ASTN1: variants seen among roughly 807,000 people sequenced by gnomAD.
ASTN1 encodes astrotactin-1.
A neutral mutation model predicts 140.7 loss-of-function variants in ASTN1; 41 were observed. The observed-to-expected ratio is 0.29, with a 90% CI of 0.23 to 0.38. The LOEUF is 0.38. ASTN1 is among the 10% of genes least tolerant of loss of function. ASTN1 has a pLI of 1.00. For missense variants in ASTN1, 1,479 were observed against 1,678.8 expected (o/e 0.88, Z 2.08); for synonymous variants, 640 against 652.2 (o/e 0.98, Z 0.29).
At chr1:177,045,590 G>A (rs1193346104) in intron 2 of ASTN1, among the ~76,000 whole-genome samples, 1 of 152,142 alleles carries the variant, frequency 6.6e-6, no homozygotes, top group Non-Finnish European at 1.5e-5. Flanking sequence ...ATGCTCAAAT[G>A]CAAGGTGCAT....
chr1:177,029,771 CGT>C, intron 4 of ASTN1, 30 bp from the exon 5 acceptor site: 1 of 1,582,112 alleles, frequency 6.3e-7, no homozygotes, highest in South Asian at 1.1e-5. Context: ...GTCAAGAAAG[CGT>C]TTTCAGTTCT....
Position 176,957,807 on chromosome 1 carries a change from G to A in ASTN1, c.1758C>T (p.Ser586=), listed in dbSNP as rs2103129916. The A allele has an allele frequency of 1.2e-6, 2 of 1,613,976 alleles. No homozygotes were observed. The highest frequency in any genetic ancestry group is 2.2e-5 in the East Asian group (1 of 44,848). ...AGAGAACCTCCAGGCTGTCGAAGGAGGATGAAGTCATCAGCTCCTCTCTGT... is the reference window on the plus strand; with the variant it reads ...AGAGAACCTCCAGGCTGTCGAAGGAAGATGAAGTCATCAGCTCCTCTCTGT... ...VEVREELMTS[S]SFDSLEVLLD... Residue 586 remains serine (S), a synonymous_variant, in exon 11 of 23, where the codon TCC becomes TCT. Coordinates refer to ENST00000361833, the MANE Select transcript of ASTN1 (RefSeq NM_004319.3).
chr1:177,125,204 G>A (rs763199784), intron 1 of ASTN1, among the ~76,000 whole-genome samples: 5 of 152,202 alleles, frequency 3.3e-5, no homozygotes, highest in East Asian at 1.9e-4. Flanking sequence ...GAGATTTTAC[G>A]AAGAAATGGG....
intron 1 of ASTN1, among the ~76,000 whole-genome samples, chr1:177,105,120 TTCCTCAC>T (rs1680490671): frequency 6.6e-6 from 1 of 152,150 alleles, no homozygotes; most frequent in African/African-American, 2.4e-5. Context: ...GGCCCATCAT[TTCCTCAC>T]TGATGGGGGA....
chr1:177,109,449 G>T (rs1388830060), intron 1 of ASTN1, among the ~76,000 whole-genome samples: 1 of 152,096 alleles, frequency 6.6e-6, no homozygotes, highest in Non-Finnish European at 1.5e-5. Context: ...CAGAGAGAGA[G>T]AGAGAGGGAG....
chr1:176,893,554 A>G (rs1290060278), intron 17 of ASTN1, among the ~76,000 whole-genome samples: 1 of 152,196 alleles, frequency 6.6e-6, no homozygotes, highest in African/African-American at 2.4e-5. Context: ...GGCGAGAGAA[A>G]CACACACACC....
chr1:176,880,763 C>T (rs537452148), intron 20 of ASTN1, among the ~76,000 whole-genome samples: 2 of 152,258 alleles, frequency 1.3e-5, no homozygotes, highest in South Asian at 4.1e-4. Flanking sequence ...CTCACAGTAA[C>T]CTAGAGCAGC....
intron 2 of ASTN1, among the ~76,000 whole-genome samples, chr1:177,055,711 A>G (rs1677767925): frequency 6.6e-6 from 1 of 152,210 alleles, no homozygotes; most frequent in Non-Finnish European, 1.5e-5. Context: ...GTAACATACA[A>G]TATGCCTAAA....
At chr1:177,070,543 T>G (rs1017130865) in intron 1 of ASTN1, among the ~76,000 whole-genome samples, 5 of 150,178 alleles carry the variant, frequency 3.3e-5, no homozygotes, top group Non-Finnish European at 7.4e-5. Flanking sequence ...CCACTTGTAT[T>G]TCTGTTCTTA....
intron 1 of ASTN1, among the ~76,000 whole-genome samples, chr1:177,073,570 A>G (rs560501282): frequency 2.2e-4 from 32 of 146,768 alleles, no homozygotes; most frequent in Middle Eastern, 3.5e-3. Flanking sequence ...TTATTTGGCT[A>G]TTGCATCTAG....
At chr1:177,083,178 T>G (rs1679263236) in intron 1 of ASTN1, among the ~76,000 whole-genome samples, 1 of 151,994 alleles carries the variant, frequency 6.6e-6, no homozygotes, top group African/African-American at 2.4e-5. Context: ...GAGAAATAGG[T>G]TTAGTGACCT....
chr1:176,955,166 C>G (rs944647056), intron 11 of ASTN1, among the ~76,000 whole-genome samples: 2 of 152,144 alleles, frequency 1.3e-5, no homozygotes, highest in Non-Finnish European at 2.9e-5. Context: ...CAGTTCAGCA[C>G]CCAGAGGACT....
chr1:177,013,449 T>A (rs1221150999), intron 8 of ASTN1, among the ~76,000 whole-genome samples: 1 of 152,212 alleles, frequency 6.6e-6, no homozygotes, highest in Non-Finnish European at 1.5e-5. Flanking sequence ...AGTTCTTCTA[T>A]CCCTTTATCA....
At chr1:177,122,016 G>T (rs1359937042) in intron 1 of ASTN1, among the ~76,000 whole-genome samples, 1 of 152,172 alleles carries the variant, frequency 6.6e-6, no homozygotes, top group Non-Finnish European at 1.5e-5. Flanking sequence ...GGCTCGAGCA[G>T]AAGGAATAAA....
intron 8 of ASTN1, among the ~76,000 whole-genome samples, chr1:176,977,198 C>A (rs982315341): frequency 1.3e-5 from 2 of 152,192 alleles, no homozygotes; most frequent in Non-Finnish European, 2.9e-5. Flanking sequence ...TAGTATAGAG[C>A]TTTTATCCTT....
chr1:177,009,660 G>A (rs1474983798), intron 8 of ASTN1, among the ~76,000 whole-genome samples: 2 of 152,230 alleles, frequency 1.3e-5, no homozygotes, highest in East Asian at 1.9e-4. Flanking sequence ...AAGTGAATGT[G>A]TGTGTGCCTG....
intron 8 of ASTN1, among the ~76,000 whole-genome samples, chr1:176,977,469 G>T (rs935152529): frequency 2.0e-5 from 3 of 152,204 alleles, no homozygotes; most frequent in African/African-American, 7.2e-5. Flanking sequence ...TGATGAGACA[G>T]GTGCTATGGA....
At chr1:177,147,531 C>G (rs1276315916) in intron 1 of ASTN1, among the ~76,000 whole-genome samples, 2 of 152,140 alleles carry the variant, frequency 1.3e-5, no homozygotes, top group Non-Finnish European at 2.9e-5. Context: ...TACAAACAGC[C>G]TTCAAAAGAT....
At chr1:176,891,085 G>A (rs1273215880) in intron 17 of ASTN1, among the ~76,000 whole-genome samples, 1 of 152,138 alleles carries the variant, frequency 6.6e-6, no homozygotes, top group Non-Finnish European at 1.5e-5. Context: ...ATCCTGGGCT[G>A]CAGGTAACTG....
Sources: allele counts gnomAD v4.1 joint callset (sites outside exome capture counted in the v4.1 genomes callset), GRCh38; gene constraint gnomAD v4.1.1; transcripts MANE v1.5; gene names NCBI Gene and HGNC (gene_info 2026-07-23, HGNC 2026-07-21).